SPHKAP: variants seen among roughly 807,000 people sequenced by gnomAD.
The protein encoded by SPHKAP is SPHK1 interactor, AKAP domain containing.
In SPHKAP, 67 loss-of-function variants were observed where a neutral mutation model predicts 137.5. That is an observed-to-expected ratio of 0.49 (90% confidence interval 0.40 to 0.60). The LOEUF (loss-of-function observed/expected upper bound fraction) is 0.60, where lower values mean the gene tolerates loss of function less well. Among genes scored for constraint, SPHKAP ranks in the 20% least tolerant of loss-of-function variants. The probability of loss-of-function intolerance (pLI) is 0.00; values close to 1 mark genes in which losing one functional copy is unlikely to be tolerated. For missense variants in SPHKAP, 2,097 were observed against 2,069.3 expected (o/e 1.01, Z -0.26); for synonymous variants, 813 against 785.3 (o/e 1.04, Z -0.59).
chr2:228,130,849 A>C (rs568509186), intron 2 of SPHKAP, among the ~76,000 whole-genome samples: 20 of 152,294 alleles, frequency 1.3e-4, no homozygotes, highest in Middle Eastern at 3.4e-3. Context: ...GTAGGAATTT[A>C]TAAGAGGAGA....
At chr2:228,027,940 G>A (rs548055350) in intron 3 of SPHKAP, 101 of 884,116 alleles carry the variant, frequency 1.1e-4, no homozygotes, top group Admixed American at 1.6e-4. Context: ...CCAGCCTGGC[G>A]ACAGTGTGAG....
chr2:228,034,745 T>C (rs541002546), intron 3 of SPHKAP, among the ~76,000 whole-genome samples: 2 of 152,312 alleles, frequency 1.3e-5, no homozygotes, highest in African/African-American at 4.8e-5. Context: ...TCAATGAACA[T>C]AATCCAGCAT....
intron 11 of SPHKAP, among the ~76,000 whole-genome samples, chr2:227,984,284 A>G (rs1165141751): frequency 6.9e-6 from 1 of 145,032 alleles, no homozygotes; most frequent in East Asian, 2.1e-4. Flanking sequence ...TGGGTGACAG[A>G]GTGAGACTCC....
At chr2:228,152,530 A>T (rs1008938203) in intron 1 of SPHKAP, among the ~76,000 whole-genome samples, 10 of 152,006 alleles carry the variant, frequency 6.6e-5, no homozygotes, top group African/African-American at 2.4e-4. Context: ...TAATTTTTTT[A>T]AAAATCCGGT....
chr2:227,992,401 C>T (rs1018834367), intron 9 of SPHKAP, among the ~76,000 whole-genome samples: 13 of 152,130 alleles, frequency 8.5e-5, no homozygotes, highest in Middle Eastern at 3.2e-3. Context: ...GGCACAGTTT[C>T]TGCTGTTTTG....
At chr2:228,100,183 T>G (rs1351906280) in intron 3 of SPHKAP, among the ~76,000 whole-genome samples, 1 of 152,222 alleles carries the variant, frequency 6.6e-6, no homozygotes, top group East Asian at 1.9e-4. Flanking sequence ...ACATTGATTT[T>G]GTATCCCGAA....
chr2:228,012,592 A>G (rs1213054566), intron 7 of SPHKAP, among the ~76,000 whole-genome samples: 1 of 151,774 alleles, frequency 6.6e-6, no homozygotes, highest in East Asian at 1.9e-4. Context: ...TTTCCTATGT[A>G]CTCTCCCTGT....
intron 7 of SPHKAP, among the ~76,000 whole-genome samples, chr2:228,001,954 T>C (rs1415820132): frequency 6.6e-6 from 1 of 152,236 alleles, no homozygotes; most frequent in Non-Finnish European, 1.5e-5. Context: ...CACATTTTCT[T>C]AATCCAGTCT....
chr2:228,065,620 C>T (rs918247512), intron 3 of SPHKAP, among the ~76,000 whole-genome samples: 3 of 152,140 alleles, frequency 2.0e-5, no homozygotes, highest in Admixed American at 6.5e-5. Context: ...TGTGCCTGGT[C>T]CCCTTAGGGT....
intron 2 of SPHKAP, among the ~76,000 whole-genome samples, chr2:228,116,782 C>T (rs542679144): frequency 7.2e-5 from 11 of 152,242 alleles, no homozygotes; most frequent in Admixed American, 3.3e-4. Flanking sequence ...TAAACAGTGA[C>T]TAAACTCCAA....
At chr2:228,070,027 C>T (rs747254125) in intron 3 of SPHKAP, among the ~76,000 whole-genome samples, 5 of 152,184 alleles carry the variant, frequency 3.3e-5, no homozygotes, top group Non-Finnish European at 7.3e-5. Context: ...GGGGACTTAT[C>T]TGTCCATTTC....
chr2:228,152,698 C>G lies in SPHKAP; in HGVS notation c.33-20613G>C, dbSNP rs67040074. On this transcript the variant is annotated intron_variant, in intron 1 of 11. Transcript: ENST00000392056. The stretch of plus-strand genomic sequence containing the variant: ...TAGTCAAGTTTTATTATTTTTTGGC[C>G]TAGTGTGGAAGTTATACCTTCTTTT... Among the ~76,000 whole-genome samples, 65 of 150,504 alleles carry G rather than the reference C, an allele frequency of 4.3e-4. 1 individual carries two copies. The highest frequency in any genetic ancestry group is 3.3e-4 in the Admixed American group (5 of 15,098).
rs745377841 is a variant in SPHKAP at position 228,018,776 on chromosome 2, T to C, written c.2078A>G (p.Asn693Ser). The C allele has an allele frequency of 2.0e-5, 33 of 1,614,094 alleles. No individual in the cohort carries two copies. The highest frequency in any genetic ancestry group is 2.6e-5 in the Non-Finnish European group (31 of 1,180,042). Residue 693 changes from asparagine to serine, a missense_variant, in exon 7 of 12, where the codon AAT becomes AGT. Physicochemically the swap from Asn to Ser is conservative, Grantham distance 46. Transcript: ENST00000392056. ...VHHKNMIIDPNDNRHSSEILD... is the reference protein window; with the variant it reads ...VHHKNMIIDPSDNRHSSEILD... ...AATTTCAGATGAATGCCTGTTGTCA[T>C]TGGGGTCGATTATCATATTTTTGTG... is the stretch of plus-strand genomic sequence containing the variant.
At chr2:228,074,275 C>G (rs1259060788) in intron 3 of SPHKAP, among the ~76,000 whole-genome samples, 1 of 152,190 alleles carries the variant, frequency 6.6e-6, no homozygotes, top group African/African-American at 2.4e-5. Flanking sequence ...GATCCATGAT[C>G]TGTACTTTAC....
chr2:228,113,768 C>G (rs1698606170), intron 2 of SPHKAP, among the ~76,000 whole-genome samples: 1 of 151,976 alleles, frequency 6.6e-6, no homozygotes, highest in Non-Finnish European at 1.5e-5. Context: ...AGCAAATGAT[C>G]TGAAGGCCAC....
chr2:228,157,874 T>G (rs1553550709), intron 1 of SPHKAP, among the ~76,000 whole-genome samples: 1 of 151,930 alleles, frequency 6.6e-6, no homozygotes, highest in Non-Finnish European at 1.5e-5. Context: ...TTATGAGTCT[T>G]AAAAGAAAAA....
intron 3 of SPHKAP, among the ~76,000 whole-genome samples, chr2:228,100,620 TTC>T (rs57848464): frequency 0.31 from 46,607 of 152,012 alleles, 7,320 homozygotes; most frequent in Admixed American, 0.39. Context: ...TTCTTTTTAA[TTC>T]TGTTTATGTG....
At chr2:228,115,266 A>G (rs1393778252) in intron 2 of SPHKAP, among the ~76,000 whole-genome samples, 1 of 152,030 alleles carries the variant, frequency 6.6e-6, no homozygotes, top group African/African-American at 2.4e-5. Flanking sequence ...CTTTCTGTAG[A>G]GCTTGGCTTT....
At chr2:228,154,534 T>TATA (rs1700046803) in intron 1 of SPHKAP, among the ~76,000 whole-genome samples, 14 of 9,396 alleles carry the variant, frequency 1.5e-3, no homozygotes, top group South Asian at 8.6e-3. Flanking sequence ...ATATATATAT[T>TATA]TTTTTTTTTT....
Sources: gnomAD v4.1 joint callset for allele counts (sites outside exome capture counted in the v4.1 genomes callset) on GRCh38, gnomAD v4.1.1 for gene constraint, MANE v1.5 for transcripts, NCBI Gene and HGNC (gene_info 2026-07-23, HGNC 2026-07-21) for gene names.